The following CSDE1 variants were observed in gnomAD, a reference collection of about 807,000 sequenced individuals.
The protein encoded by CSDE1 is cold shock domain containing E1.
CSDE1 carries 17 observed loss-of-function variants against 89.3 expected under a neutral mutation model. That is an observed-to-expected ratio of 0.19 (90% CI 0.13 to 0.29). The LOEUF (loss-of-function observed/expected upper bound fraction) is 0.29, where lower values mean the gene tolerates loss of function less well. Ranked by LOEUF, CSDE1 falls within the 10% of genes least tolerant of loss-of-function variation. CSDE1 has a pLI of 1.00. For synonymous variants in CSDE1, 322 were observed against 332.8 expected, an observed-to-expected ratio of 0.97 and a Z score of 0.35; for missense variants, 672 against 984.2, an observed-to-expected ratio of 0.68 and a Z score of 4.24.
chr1:114,720,020 T>TAAC (rs1659425997), intron 17 of CSDE1, among the ~76,000 whole-genome samples: 1 of 152,182 alleles, frequency 6.6e-6, no homozygotes, highest in Non-Finnish European at 1.5e-5. Flanking sequence ...AGGAAGCTGT[T>TAAC]ACTTCAACAT....
chr1:114,753,331 G>A (rs1299417453), intron 1 of CSDE1, among the ~76,000 whole-genome samples: 1 of 152,170 alleles, frequency 6.6e-6, no homozygotes, highest in Non-Finnish European at 1.5e-5. Flanking sequence ...AGGCACTAAT[G>A]AGGTCTATTA....
intron 2 of CSDE1, among the ~76,000 whole-genome samples, chr1:114,740,332 G>A (rs1660652883): frequency 6.6e-6 from 1 of 152,146 alleles, no homozygotes; most frequent in African/African-American, 2.4e-5. Context: ...ATACTGTTTA[G>A]TAAGTCATGC....
intron 18 of CSDE1, 108 bp downstream of exon 18, chr1:114,719,471 A>C (rs965879082): frequency 1.8e-6 from 2 of 1,108,960 alleles, no homozygotes; most frequent in Non-Finnish European, 1.3e-6. Context: ...ATCAAGAAAT[A>C]ATAAGTGGCA....
At chr1:114,739,092 T>C (rs1274883788) in intron 3 of CSDE1, among the ~76,000 whole-genome samples, 2 of 151,842 alleles carry the variant, frequency 1.3e-5, no homozygotes, top group East Asian at 1.9e-4. Flanking sequence ...AGTGCAGTGG[T>C]GGCATCTTGG....
At chr1:114,748,514 A>T (rs961930856) in intron 2 of CSDE1, 2 of 152,230 alleles carry the variant, frequency 1.3e-5, no homozygotes, top group Non-Finnish European at 2.9e-5. Context: ...TCAACTTCAG[A>T]TTGCTATCTA....
chr1:114,742,794 T>C (rs1660800831), intron 2 of CSDE1, among the ~76,000 whole-genome samples: 2 of 152,216 alleles, frequency 1.3e-5, no homozygotes, highest in Non-Finnish European at 2.9e-5. Flanking sequence ...GGACTTAAAT[T>C]AGTTGCAATA....
rs1282069912 is a variant in CSDE1, at chr1:114,739,686, G to A, written c.199+6C>T. ...ACATTTTTACAAAGGAGAACTGACA[G>A]ATTACCTCCTACTTTTAAGTCTTGC... On this transcript the variant is annotated splice_donor_region_variant and intron_variant, in intron 3 of 19. Coordinates refer to ENST00000358528, the MANE Select transcript of CSDE1 (RefSeq NM_001007553.3). 1 of 1,596,920 alleles carries A rather than the reference G, an allele frequency of 6.3e-7. No individual in the cohort carries two copies. Among genetic ancestry groups the A allele is most frequent in the South Asian group, 1.1e-5 (1 of 90,728 alleles).
At chr1:114,721,884 CTT>C (rs77950889) in intron 16 of CSDE1, among the ~76,000 whole-genome samples, 6 of 128,124 alleles carry the variant, frequency 4.7e-5, no homozygotes, top group Admixed American at 1.6e-4. Flanking sequence ...CCACACCTGA[CTT>C]TTTTTTTTTT....
chr1:114,735,862 C>T (rs2101046930), intron 6 of CSDE1, among the ~76,000 whole-genome samples: 1 of 152,266 alleles, frequency 6.6e-6, no homozygotes, highest in Admixed American at 6.5e-5. Context: ...GCTCTATATA[C>T]TTCCCCTATA....
At chr1:114,744,110 A>G (rs886324036) in intron 2 of CSDE1, among the ~76,000 whole-genome samples, 2 of 152,282 alleles carry the variant, frequency 1.3e-5, no homozygotes, top group Non-Finnish European at 2.9e-5. Flanking sequence ...ATAATTTAAC[A>G]GAACCTTGTT....
At chr1:114,742,092 A>AT (rs1660759875) in intron 2 of CSDE1, among the ~76,000 whole-genome samples, 1 of 152,176 alleles carries the variant, frequency 6.6e-6, no homozygotes, top group Admixed American at 6.5e-5. Flanking sequence ...TTTACTATGT[A>AT]TTTATAGTCT....
chr1:114,742,083 T>A lies in CSDE1; in HGVS notation c.1-2193A>T, dbSNP rs191119965. Among the ~76,000 whole-genome samples the A allele has an allele frequency of 7.9e-5, 12 of 152,290 alleles. No individual in the cohort carries two copies. In the East Asian group the frequency reaches 1.2e-3, roughly 15 times the overall value. On this transcript the variant is annotated intron_variant, in intron 2 of 19. Coordinates refer to ENST00000358528, the MANE Select transcript of CSDE1 (RefSeq NM_001007553.3). ...GATAAAAATGAGCTTTTATAAATAT[T>A]TACTATGTATTTATAGTCTAGGTTT...
At chr1:114,751,754 T>C (rs1661320773) in intron 1 of CSDE1, among the ~76,000 whole-genome samples, 1 of 152,040 alleles carries the variant, frequency 6.6e-6, no homozygotes, top group African/African-American at 2.4e-5. Flanking sequence ...TACAACTGGT[T>C]TGAGGTAGGG....
At chr1:114,750,813 C>T (rs560621457) in intron 1 of CSDE1, among the ~76,000 whole-genome samples, 1 of 152,324 alleles carries the variant, frequency 6.6e-6, no homozygotes, top group East Asian at 1.9e-4. Flanking sequence ...GTATTCTAGG[C>T]ATGAAACAGC....
intron 3 of CSDE1, among the ~76,000 whole-genome samples, chr1:114,738,398 T>A (rs1660524884): frequency 6.6e-6 from 1 of 152,130 alleles, no homozygotes; most frequent in African/African-American, 2.4e-5. Context: ...TTTATGGCAT[T>A]TACACATACT....
intron 16 of CSDE1, among the ~76,000 whole-genome samples, chr1:114,721,136 A>G (rs1458872478): frequency 2.0e-5 from 3 of 152,240 alleles, no homozygotes; most frequent in Non-Finnish European, 4.4e-5. Flanking sequence ...AGGCGGGCAC[A>G]GGCAAAAACA....
At chr1:114,742,028 A>T (rs1033273333) in intron 2 of CSDE1, among the ~76,000 whole-genome samples, 1 of 152,210 alleles carries the variant, frequency 6.6e-6, no homozygotes, top group Admixed American at 6.5e-5. Context: ...GGTGCAGAAG[A>T]AAATAACTGG....
At chr1:114,756,601 A>C (rs2101104163) in intron 1 of CSDE1, among the ~76,000 whole-genome samples, 1 of 152,342 alleles carries the variant, frequency 6.6e-6, no homozygotes, top group East Asian at 1.9e-4. Flanking sequence ...GTAGGTTAGT[A>C]GCAGTGGCTG....
chr1:114,732,144 A>G (rs1248006111), intron 10 of CSDE1, among the ~76,000 whole-genome samples: 1 of 151,872 alleles, frequency 6.6e-6, no homozygotes, highest in Non-Finnish European at 1.5e-5. Context: ...ATCAGCTATC[A>G]TTGCTGTTAG....
Sources: gnomAD v4.1 joint callset for allele counts (sites outside exome capture counted in the v4.1 genomes callset) on GRCh38, gnomAD v4.1.1 for gene constraint, MANE v1.5 for transcripts, NCBI Gene and HGNC (gene_info 2026-07-23, HGNC 2026-07-21) for gene names.